The following EBAG9 variants were observed in gnomAD, a reference collection of about 807,000 sequenced individuals.
The protein encoded by EBAG9 is estrogen receptor binding site associated antigen 9.
Under a neutral mutation model 30.9 loss-of-function variants are expected in EBAG9, and 16 were observed. That is an observed-to-expected ratio of 0.52 (90% CI 0.35 to 0.79). EBAG9 has a LOEUF of 0.79. Ranked by LOEUF, EBAG9 falls within the 30% of genes least tolerant of loss-of-function variation. The pLI is 0.01. For missense variants in EBAG9, 197 were observed against 242.1 expected (o/e 0.81, Z 1.24); for synonymous variants, 93 against 82.8 (o/e 1.12, Z -0.67).
chr8:109,545,321 CAAAAAA>C (rs540899914), intron 1 of EBAG9, among the ~76,000 whole-genome samples: 2 of 37,794 alleles, frequency 5.3e-5, no homozygotes, highest in Non-Finnish European at 1.1e-4. Context: ...GACTGTGTCT[CAAAAAA>C]AAAAAAAAAA....
chr8:109,550,537 T>C (rs1821472008), intron 1 of EBAG9: 2 of 258,008 alleles, frequency 7.8e-6, no homozygotes, highest in Non-Finnish European at 1.4e-5. Flanking sequence ...TTTTTTGAAT[T>C]GTAGATTTTT....
At position 109,556,853 on chromosome 8, in the gene EBAG9, A is replaced by T. The variant is rs1220564071; in HGVS notation, c.322-82A>T. 1.7e-5 allele frequency: 10 copies of T among 603,204 alleles called. No individual in the cohort carries two copies. The East Asian group carries it at 3.3e-4, about 20-fold the overall frequency. 37.4% of individuals were successfully genotyped at this position (603,204 alleles called of 1,614,324 possible). On this transcript the variant is annotated intron_variant, in intron 4 of 6. Coordinates refer to ENST00000337573, the MANE Select transcript of EBAG9 (RefSeq NM_004215.5). ...AATTTTAAGAAGAAATATTTTAAGT[A>T]ATTAGAAAATGTTTTGGTTGTCTAT...
chr8:109,550,184 T>C (rs1348773832), intron 1 of EBAG9: 1 of 152,142 alleles, frequency 6.6e-6, no homozygotes, highest in Non-Finnish European at 1.5e-5. Context: ...ATCTCCCTGC[T>C]TGTCTTATTG....
rs746378859 is a variant in EBAG9, at chr8:109,554,729, A to G, written c.163A>G (p.Thr55Ala). ...TVDYSSVPKQ[T>A]DVEEWTSWDE... ...GATAATGTTGATCAATTAAATTTAG[A>G]CAGATGTTGAAGAGTGGACTTCCTG... Residue 55 changes from threonine to alanine, a missense_variant and splice_region_variant, in exon 4 of 7, where the codon ACA (threonine) becomes GCA (alanine). Coordinates refer to ENST00000337573, the MANE Select transcript of EBAG9 (RefSeq NM_004215.5). 4 of 1,611,960 alleles carry G rather than the reference A, an allele frequency of 2.5e-6. No individual in the cohort carries two copies. The Admixed American group carries it at 6.7e-5, about 27-fold the overall frequency.
intron 1 of EBAG9, among the ~76,000 whole-genome samples, chr8:109,544,183 G>T (rs1821337733): frequency 6.6e-6 from 1 of 151,956 alleles, no homozygotes; most frequent in African/African-American, 2.4e-5. Context: ...TTTTAAAAAG[G>T]TATATAGCTG....
At chr8:109,554,068 A>T (rs1028318611) in intron 3 of EBAG9, 125 bp downstream of exon 3, 2 of 623,492 alleles carry the variant, frequency 3.2e-6, no homozygotes, top group African/African-American at 3.9e-5. Context: ...TTGTGTTGTT[A>T]AATTTATCTG....
chr8:109,555,088 C>G (rs1821571288), intron 4 of EBAG9, among the ~76,000 whole-genome samples: 1 of 151,752 alleles, frequency 6.6e-6, no homozygotes, highest in Admixed American at 6.6e-5. Context: ...CACCCATCAA[C>G]TCGTCATTTA....
rs1340272526 is a variant in EBAG9 at position 109,560,833 on chromosome 8, T to C, written c.430-5T>C. On this transcript the variant is annotated splice_polypyrimidine_tract_variant and splice_region_variant and intron_variant, in intron 5 of 6. Coordinates refer to ENST00000337573, the MANE Select transcript of EBAG9 (RefSeq NM_004215.5). ...CTCTTAATTTTGTTTTACTTTTCATTGTAGTCTGAATTAGGTGACTTAGAT... is the reference window on the plus strand; with the variant it reads ...CTCTTAATTTTGTTTTACTTTTCATCGTAGTCTGAATTAGGTGACTTAGAT... 6.2e-7 allele frequency: 1 copy of C among 1,608,180 alleles called. No homozygotes were observed. Among genetic ancestry groups the C allele is most frequent in the Non-Finnish European group, 8.5e-7 (1 of 1,175,454 alleles).
At chr8:109,552,260 TTA>T (rs1491447194) in intron 2 of EBAG9, among the ~76,000 whole-genome samples, 6 of 70,916 alleles carry the variant, frequency 8.5e-5, no homozygotes, top group African/African-American at 6.6e-4. Flanking sequence ...GGTCTGGGAT[TTA>T]AAAAAAAAAA....
intron 6 of EBAG9, among the ~76,000 whole-genome samples, chr8:109,561,145 C>G (rs908346884): frequency 6.6e-6 from 1 of 150,644 alleles, no homozygotes; most frequent in East Asian, 1.9e-4. Context: ...TCTATAGGAA[C>G]AAAATAACTT....
chr8:109,544,939 G>GTACATATATAGTATACAATATATGCAA lies in EBAG9; in HGVS notation c.-16+4494_-16+4520dup, dbSNP rs1196414386. On this transcript the variant is annotated intron_variant, in intron 1 of 6. Transcript: ENST00000337573. ...GTGATTATTAGGGTAAATATATGCA[G>GTACATATATAGTATACAATATATGCAA]TACATATATAGTATACAATATATGC... Among the ~76,000 whole-genome samples, 46 of 152,188 alleles carry GTACATATATAGTATACAATATATGCAA rather than the reference G, an allele frequency of 3.0e-4. 1 individual carries two copies. The highest frequency in any genetic ancestry group is 9.6e-4 in the African/African-American group (40 of 41,522).
At chr8:109,554,985 C>CTTT in intron 4 of EBAG9, 98 bp downstream of exon 4, 4 of 958,348 alleles carry the variant, frequency 4.2e-6, no homozygotes, top group Middle Eastern at 2.9e-4. Context: ...AAGCCTATTT[C>CTTT]TTTTTTTTTT....
chr8:109,551,065 T>G (rs1293858411), intron 2 of EBAG9, among the ~76,000 whole-genome samples, 158 bp downstream of exon 2: 1 of 152,140 alleles, frequency 6.6e-6, no homozygotes, highest in African/African-American at 2.4e-5. Context: ...TAGATACTTT[T>G]TCTCTACTTC....
intron 1 of EBAG9, among the ~76,000 whole-genome samples, chr8:109,545,243 A>C (rs1172432206): frequency 7.0e-6 from 1 of 141,890 alleles, no homozygotes; most frequent in Non-Finnish European, 1.5e-5. Flanking sequence ...AATTGCTTGA[A>C]CCCGGGAAGC....
intron 4 of EBAG9, 68 bp downstream of exon 4, chr8:109,554,955 T>C: frequency 3.4e-6 from 5 of 1,454,512 alleles, no homozygotes; most frequent in Non-Finnish European, 3.7e-6. Context: ...AATTAGGTGA[T>C]ACAATTCACA....
At chr8:109,551,162 A>G (rs1305911900) in intron 2 of EBAG9, among the ~76,000 whole-genome samples, 1 of 152,130 alleles carries the variant, frequency 6.6e-6, no homozygotes, top group Non-Finnish European at 1.5e-5. Flanking sequence ...CTATTTAGGA[A>G]TAGACAGACC....
intron 1 of EBAG9, among the ~76,000 whole-genome samples, chr8:109,548,904 T>G (rs1045896876): frequency 6.7e-6 from 1 of 149,286 alleles, no homozygotes; most frequent in African/African-American, 2.4e-5. Context: ...TTTTTTTTTT[T>G]GCTGGATTGC....
intron 1 of EBAG9, chr8:109,540,789 A>T (rs1422030917): frequency 6.6e-6 from 1 of 152,210 alleles, no homozygotes; most frequent in African/African-American, 2.4e-5. Context: ...TCAGAGAGTT[A>T]TAGTTTGAGG....
intron 2 of EBAG9, 57 bp downstream of exon 2, chr8:109,550,964 C>A: frequency 8.8e-7 from 1 of 1,137,296 alleles, no homozygotes; most frequent in South Asian, 1.3e-5. Context: ...TTTTGGATAC[C>A]TTCAAAACTT....
Sources: gnomAD v4.1 joint callset for allele counts (sites outside exome capture counted in the v4.1 genomes callset) on GRCh38, gnomAD v4.1.1 for gene constraint, MANE v1.5 for transcripts, NCBI Gene and HGNC (gene_info 2026-07-23, HGNC 2026-07-21) for gene names.